FBN1: variants seen among roughly 807,000 people sequenced by gnomAD.
The protein encoded by FBN1 is fibrillin-1.
FBN1 carries 29 observed loss-of-function variants against 365.1 expected under a neutral mutation model. The observed-to-expected ratio is 0.08, with a 90% CI of 0.06 to 0.11. The LOEUF is 0.11. Among genes scored for constraint, FBN1 ranks in the 10% least tolerant of loss-of-function variants. FBN1 has a pLI of 1.00. For missense variants in FBN1, 2,476 were observed against 3,703.2 expected, an observed-to-expected ratio of 0.67 and a Z score of 8.60; for synonymous variants, 1,210 against 1,270.5, an observed-to-expected ratio of 0.95 and a Z score of 1.01.
rs111926360 is a variant in FBN1, at chr15:48,613,604, G to A, written c.165-512C>T. On this transcript the variant is annotated intron_variant, in intron 2 of 65. Transcript: ENST00000316623. Reference sequence around the variant, plus strand: ...TGACATGAGTCAGAAAAAAATAAAGGCCAAAACATGTAAATATTTCTTTAG... The same window carrying A: ...TGACATGAGTCAGAAAAAAATAAAGACCAAAACATGTAAATATTTCTTTAG... Among the ~76,000 whole-genome samples the A allele has an allele frequency of 6.3e-3, 960 of 152,036 alleles. 10 individuals are homozygous for A. Among genetic ancestry groups the A allele is most frequent in the African/African-American group, 0.022 (910 of 41,440 alleles).
intron 6 of FBN1, 35 bp downstream of exon 6, chr15:48,596,248 C>G: frequency 6.3e-7 from 1 of 1,577,068 alleles, no homozygotes; most frequent in Non-Finnish European, 8.7e-7. Flanking sequence ...TAGGTACCAG[C>G]ATGTCTTTAC....
At chr15:48,420,238 G>T (rs914035225) in intron 63 of FBN1, among the ~76,000 whole-genome samples, 1 of 152,120 alleles carries the variant, frequency 6.6e-6, no homozygotes, top group African/African-American at 2.4e-5. Context: ...ACACAACCTT[G>T]CTGTGTTTCC....
chr15:48,440,326 C>A (rs868736511), intron 50 of FBN1, among the ~76,000 whole-genome samples: 2 of 152,160 alleles, frequency 1.3e-5, no homozygotes, highest in South Asian at 2.1e-4. Context: ...CTTCCTGCAG[C>A]GTTAGCTTGC....
intron 5 of FBN1, among the ~76,000 whole-genome samples, chr15:48,598,449 C>A (rs1048175405): frequency 1.3e-5 from 2 of 152,216 alleles, no homozygotes; most frequent in Admixed American, 6.5e-5. Context: ...ACTCTTCTTT[C>A]CTAGCCCTAC....
chr15:48,477,032 A>G (rs2043424831), intron 32 of FBN1, among the ~76,000 whole-genome samples: 1 of 152,086 alleles, frequency 6.6e-6, no homozygotes, highest in African/African-American at 2.4e-5. Flanking sequence ...ACTCACTAAT[A>G]TCTTCTACTA....
chr15:48,583,923 A>G, intron 6 of FBN1, among the ~76,000 whole-genome samples: 1 of 152,224 alleles, frequency 6.6e-6, no homozygotes, highest in South Asian at 2.1e-4. Context: ...CAGCTCAAGA[A>G]TGTTGGGTTT....
intron 3 of FBN1, among the ~76,000 whole-genome samples, chr15:48,611,381 C>A (rs766591135): frequency 5.9e-5 from 9 of 152,102 alleles, no homozygotes; most frequent in Non-Finnish European, 1.3e-4. Flanking sequence ...CTGCCTCAGC[C>A]TCCCGAGTAG....
In FBN1 at chr15:48,488,227, G is replaced by A. The variant is rs186805359; in HGVS notation, c.3223C>T (p.Arg1075Cys). 9 of 1,614,178 alleles carry A rather than the reference G, an allele frequency of 5.6e-6. No homozygotes were observed. Among genetic ancestry groups the A allele is most frequent in the African/African-American group, 2.7e-5 (2 of 75,032 alleles). Reference sequence around the variant, plus strand: ...CTGCCACAGAGGTCAGGAGATATGCGGCATTCGTCAATGTCTGCACAAAAA... The same window carrying A: ...CTGCCACAGAGGTCAGGAGATATGCAGCATTCGTCAATGTCTGCACAAAAA... Reference protein sequence around the residue: ...ERNCTDIDECRISPDLCGRGQ... With the variant: ...ERNCTDIDECCISPDLCGRGQ... The change falls in exon 27 of 66, where the codon CGC becomes TGC. Residue 1075 changes from arginine (R) to cysteine (C), a missense_variant. Around this residue, in one of 5 missense-constraint regions of FBN1, gnomAD observed 1,780 missense variants for 2,840.8 expected, o/e 0.63. Transcript: ENST00000316623.
chr15:48,628,782 C>T (rs1409629720), intron 2 of FBN1, among the ~76,000 whole-genome samples: 1 of 152,032 alleles, frequency 6.6e-6, no homozygotes, highest in African/African-American at 2.4e-5. Context: ...TTTGAATATC[C>T]CCATTCTGCC....
rs116425264 is a variant in FBN1, at chr15:48,435,475, G to A, written c.6497-762C>T. Among the ~76,000 whole-genome samples, 1,246 of 151,948 alleles carry A rather than the reference G, an allele frequency of 8.2e-3. 18 individuals are homozygous for A. The highest frequency in any genetic ancestry group is 0.029 in the African/African-American group (1,198 of 41,424). On this transcript the variant is annotated intron_variant, in intron 53 of 65. Coordinates refer to ENST00000316623, the MANE Select transcript of FBN1 (RefSeq NM_000138.5). ...ATATAAAATAAAAGACTAAACTTACGTAAAATAAAAGACCAGAGGTTAAGT... is the reference window on the plus strand; with the variant it reads ...ATATAAAATAAAAGACTAAACTTACATAAAATAAAAGACCAGAGGTTAAGT...
Position 48,510,314 on chromosome 15 carries a change from C to G in FBN1, c.1589-145G>C, listed in dbSNP as rs544095266. On this transcript the variant is annotated intron_variant, in intron 13 of 65. Transcript: ENST00000316623. Reference sequence around the variant, plus strand: ...ATATTCTCCAACATAAATTGGTTATCAAATAATGTGATATTTAGGGTTATC... The same window carrying G: ...ATATTCTCCAACATAAATTGGTTATGAAATAATGTGATATTTAGGGTTATC... 1.0e-4 allele frequency: 79 copies of G among 776,120 alleles called. No individual in the cohort carries two copies. In the African/African-American group the frequency reaches 1.2e-3, roughly 12 times the overall value. 48.1% of individuals were successfully genotyped at this position (776,120 alleles called of 1,614,324 possible).
chr15:48,453,840 A>G (rs531339468), intron 44 of FBN1, among the ~76,000 whole-genome samples: 3 of 152,306 alleles, frequency 2.0e-5, no homozygotes, highest in South Asian at 2.1e-4. Flanking sequence ...TATTAAAAAA[A>G]AAAGAAAGAA....
intron 38 of FBN1, among the ~76,000 whole-genome samples, chr15:48,466,223 C>T (rs1352950597): frequency 5.3e-5 from 8 of 152,172 alleles, no homozygotes; most frequent in Admixed American, 5.2e-4. Flanking sequence ...GTTCAGCCTA[C>T]TTTCTGGGAA....
intron 53 of FBN1, among the ~76,000 whole-genome samples, chr15:48,435,728 GTA>G (rs1422019945): frequency 2.8e-5 from 4 of 143,838 alleles, no homozygotes; most frequent in African/African-American, 1.0e-4. Context: ...ATATATATGT[GTA>G]TATATATGTG....
chr15:48,534,047 C>T (rs1340007466), intron 8 of FBN1, 33 bp downstream of exon 8: 1 of 1,608,280 alleles, frequency 6.2e-7, no homozygotes, highest in Non-Finnish European at 8.5e-7. Flanking sequence ...GCCCCCACTA[C>T]ACCCCCCAAC....
At chr15:48,445,973 T>C (rs531601842) in intron 47 of FBN1, among the ~76,000 whole-genome samples, 12 of 152,270 alleles carry the variant, frequency 7.9e-5, no homozygotes, top group Non-Finnish European at 1.6e-4. Context: ...GATTCAATGA[T>C]TTATTTAAGA....
At chr15:48,627,448 A>G (rs1424885862) in intron 2 of FBN1, among the ~76,000 whole-genome samples, 1 of 152,190 alleles carries the variant, frequency 6.6e-6, no homozygotes, top group African/African-American at 2.4e-5. Flanking sequence ...AAGATTCAAC[A>G]TGTGGATAAT....
intron 46 of FBN1, 85 bp from the exon 47 acceptor site, chr15:48,446,907 G>A: frequency 3.4e-6 from 3 of 871,844 alleles, no homozygotes; most frequent in Middle Eastern, 2.4e-4. Context: ...AGCATTTTAG[G>A]GTTCACCAGG....
intron 6 of FBN1, among the ~76,000 whole-genome samples, chr15:48,567,091 T>G (rs1315013394): frequency 6.6e-6 from 1 of 152,202 alleles, no homozygotes; most frequent in Non-Finnish European, 1.5e-5. Context: ...TTGAGAAGCA[T>G]GGGTTTACAC....
Sources: gnomAD v4.1 joint callset for allele counts (sites outside exome capture counted in the v4.1 genomes callset) on GRCh38, gnomAD v4.1.1 for gene constraint, gnomAD v4.1.1 regional missense constraint, MANE v1.5 for transcripts, NCBI Gene and HGNC (gene_info 2026-07-23, HGNC 2026-07-21) for gene names.